The following TEAD1 variants were observed in gnomAD, a reference collection of about 807,000 sequenced individuals.
The protein encoded by TEAD1 is TEA domain transcription factor 1, also known as transcriptional enhancer factor TEF-1.
In TEAD1, 9 loss-of-function variants were observed where a neutral mutation model predicts 54.9. That is an observed-to-expected ratio of 0.16 (90% CI 0.10 to 0.29). TEAD1 has a LOEUF of 0.29. Ranked by LOEUF, TEAD1 falls within the 10% of genes least tolerant of loss-of-function variation. The probability of loss-of-function intolerance (pLI) is 1.00; values close to 1 mark genes in which losing one functional copy is unlikely to be tolerated. For synonymous variants in TEAD1, 200 were observed against 187.8 expected, an observed-to-expected ratio of 1.07 and a Z score of -0.53; for missense variants, 387 against 535.9, an observed-to-expected ratio of 0.72 and a Z score of 2.74.
chr11:12,696,605 A>G (rs1056703255), intron 2 of TEAD1, among the ~76,000 whole-genome samples: 7 of 152,094 alleles, frequency 4.6e-5, no homozygotes, highest in Non-Finnish European at 8.8e-5. Flanking sequence ...CTTCAGATGG[A>G]CGCCTTGGCC....
At chr11:12,780,037 A>G (rs1235614604) in intron 3 of TEAD1, among the ~76,000 whole-genome samples, 2 of 152,136 alleles carry the variant, frequency 1.3e-5, no homozygotes, top group Non-Finnish European at 2.9e-5. Flanking sequence ...CCTTCCCTTC[A>G]ATATTATACT....
intron 2 of TEAD1, among the ~76,000 whole-genome samples, chr11:12,699,364 G>C (rs189189675): frequency 1.4e-4 from 22 of 151,914 alleles, no homozygotes; most frequent in East Asian, 1.9e-4. Context: ...GAAACCGCTT[G>C]TCTGGTTAAA....
intron 2 of TEAD1, among the ~76,000 whole-genome samples, chr11:12,733,774 G>A (rs1170531025): frequency 6.6e-6 from 1 of 152,066 alleles, no homozygotes; most frequent in Non-Finnish European, 1.5e-5. Flanking sequence ...ATGATGTTTC[G>A]GTCAATGATA....
chr11:12,894,089 T>C (rs1407897559), intron 9 of TEAD1, among the ~76,000 whole-genome samples: 1 of 152,216 alleles, frequency 6.6e-6, no homozygotes, highest in Non-Finnish European at 1.5e-5. Flanking sequence ...TGTTCCAGCT[T>C]GTACATTAGC....
At chr11:12,809,219 C>CG (rs1249800691) in intron 3 of TEAD1, among the ~76,000 whole-genome samples, 2 of 152,150 alleles carry the variant, frequency 1.3e-5, no homozygotes, top group African/African-American at 4.8e-5. Flanking sequence ...CACTCAGTGA[C>CG]GGGGCCACTC....
At chr11:12,801,924 T>C (rs939342558) in intron 3 of TEAD1, among the ~76,000 whole-genome samples, 2 of 152,204 alleles carry the variant, frequency 1.3e-5, no homozygotes, top group Admixed American at 6.5e-5. Flanking sequence ...AATAGCTTGG[T>C]TGAGTTTGGC....
chr11:12,747,230 A>C (rs1944762952), intron 2 of TEAD1, among the ~76,000 whole-genome samples: 1 of 152,216 alleles, frequency 6.6e-6, no homozygotes, highest in South Asian at 2.1e-4. Context: ...TGGGGTGCAG[A>C]AATGAATGGG....
At chr11:12,772,414 C>A (rs1217057245) in intron 3 of TEAD1, among the ~76,000 whole-genome samples, 4 of 152,110 alleles carry the variant, frequency 2.6e-5, no homozygotes, top group African/African-American at 9.7e-5. Flanking sequence ...GCCTCTTTTC[C>A]TCTGATGCAG....
chr11:12,885,791 G>A (rs1948074893), intron 9 of TEAD1, among the ~76,000 whole-genome samples: 1 of 152,152 alleles, frequency 6.6e-6, no homozygotes, highest in Admixed American at 6.5e-5. Context: ...AGGCTCGATT[G>A]CCTCTTTTTG....
At chr11:12,880,181 CTT>C (rs770865550) in intron 6 of TEAD1, among the ~76,000 whole-genome samples, 6 of 152,168 alleles carry the variant, frequency 3.9e-5, no homozygotes, top group Non-Finnish European at 8.8e-5. Context: ...CGTCTTCTCT[CTT>C]TATCTTTTTC....
At chr11:12,794,947 A>G (rs1165327962) in intron 3 of TEAD1, among the ~76,000 whole-genome samples, 1 of 152,228 alleles carries the variant, frequency 6.6e-6, no homozygotes, top group Non-Finnish European at 1.5e-5. Flanking sequence ...CACCTGATTC[A>G]GTCTCATGCA....
At chr11:12,843,437 A>C (rs528770149) in intron 3 of TEAD1, among the ~76,000 whole-genome samples, 1 of 152,364 alleles carries the variant, frequency 6.6e-6, no homozygotes, top group South Asian at 2.1e-4. Context: ...GATGTAATAA[A>C]ATACTGTTTA....
At chr11:12,789,766 A>ACGGCTGGGCT (rs1007232753) in intron 3 of TEAD1, among the ~76,000 whole-genome samples, 5 of 152,230 alleles carry the variant, frequency 3.3e-5, no homozygotes, top group Admixed American at 6.5e-5. Flanking sequence ...GTTGGGTTGT[A>ACGGCTGGGCT]CGGCTGGGCT....
At chr11:12,772,250 A>C (rs1945327130) in intron 3 of TEAD1, among the ~76,000 whole-genome samples, 2 of 152,230 alleles carry the variant, frequency 1.3e-5, no homozygotes, top group Admixed American at 1.3e-4. Flanking sequence ...GCATGGAAGG[A>C]GACACGGTAT....
intron 2 of TEAD1, among the ~76,000 whole-genome samples, chr11:12,735,561 G>GATTT (rs1446970002): frequency 4.9e-5 from 7 of 142,432 alleles, no homozygotes; most frequent in African/African-American, 1.9e-4. Flanking sequence ...TTCCTGGTTC[G>GATTT]ATTTTTTTTT....
At chr11:12,778,889 C>A (rs932387649) in intron 3 of TEAD1, among the ~76,000 whole-genome samples, 1 of 152,094 alleles carries the variant, frequency 6.6e-6, no homozygotes, top group Non-Finnish European at 1.5e-5. Context: ...TGAAACAAAA[C>A]TTAGGAGAAT....
At chr11:12,694,650 T>C (rs750526915) in intron 2 of TEAD1, among the ~76,000 whole-genome samples, 26 of 152,220 alleles carry the variant, frequency 1.7e-4, no homozygotes, top group Non-Finnish European at 3.5e-4. Flanking sequence ...ACTGTTGCTT[T>C]GTGCTTTACT....
intron 3 of TEAD1, among the ~76,000 whole-genome samples, chr11:12,826,575 A>G (rs541946425): frequency 1.4e-4 from 21 of 152,318 alleles, no homozygotes; most frequent in African/African-American, 4.8e-4. Flanking sequence ...TTTGAAATCA[A>G]CCTGTTTGGG....
rs1948883460 is a variant in TEAD1 at position 12,925,128 on chromosome 11, G to T, written c.1014+76G>T. ...CTTCCTTTAAACCTTCCTTGGGGCA[G>T]AGAGTTGTATTTTTGGATGTCTGCT... On this transcript the variant is annotated intron_variant, in intron 11 of 12. Coordinates refer to ENST00000527636, the MANE Select transcript of TEAD1 (RefSeq NM_021961.6). The T allele has an allele frequency of 9.6e-6, 15 of 1,555,318 alleles. No homozygotes were observed. In the South Asian group the frequency reaches 1.6e-4, roughly 16 times the overall value.
Sources: gnomAD v4.1 joint callset for allele counts (sites outside exome capture counted in the v4.1 genomes callset) on GRCh38, gnomAD v4.1.1 for gene constraint, MANE v1.5 for transcripts, NCBI Gene and HGNC (gene_info 2026-07-23, HGNC 2026-07-21) for gene names.